The following TRPC6 variants were observed in gnomAD, a reference collection of about 807,000 sequenced individuals.
TRPC6 encodes short transient receptor potential channel 6.
Under a neutral mutation model 90.7 loss-of-function variants are expected in TRPC6, and 55 were observed. The observed-to-expected ratio is 0.61, with a 90% CI of 0.49 to 0.76. The LOEUF (loss-of-function observed/expected upper bound fraction) is 0.76, where lower values mean the gene tolerates loss of function less well. TRPC6 is among the 30% of genes least tolerant of loss of function. The pLI is 0.00. For missense variants in TRPC6, 989 were observed against 1,122.7 expected (o/e 0.88, Z 1.70); for synonymous variants, 393 against 393.0 (o/e 1.00, Z 0.00).
chr11:101,583,362 G>T lies in TRPC6; in HGVS notation c.142C>A (p.Leu48Met). Reference protein sequence around the residue: ...LGEDGCPQAPLPCYGYYPCFR... With the variant: ...LGEDGCPQAPMPCYGYYPCFR... The stretch of plus-strand genomic sequence containing the variant: ...CAGGGGTAGTAGCCGTAGCAAGGCA[G>T]CGGGGCTTGCGGGCAGCCGTCTTCT... The change falls in exon 1 of 13, where the codon CTG (leucine) becomes ATG (methionine). Residue 48 changes from leucine to methionine, a missense_variant. Leu to Met is a conservative substitution (Grantham distance 15). Transcript: ENST00000344327. The T allele has an allele frequency of 6.3e-7, 1 of 1,594,134 alleles. No individual in the cohort carries two copies. The highest frequency in any genetic ancestry group is 8.5e-7 in the Non-Finnish European group (1 of 1,170,664).
chr11:101,483,302 T>C (rs775423847), intron 4 of TRPC6, 137 bp from the exon 5 acceptor site: 2 of 1,092,078 alleles, frequency 1.8e-6, no homozygotes, highest in Non-Finnish European at 2.7e-6. Context: ...ATGTAATTCG[T>C]GATAGAGTAA....
Position 101,540,652 on chromosome 11 carries a change from T to C in TRPC6, c.171-35854A>G. Among the ~76,000 whole-genome samples, 3 of 152,336 alleles carry C rather than the reference T, an allele frequency of 2.0e-5. No homozygotes were observed. The South Asian group carries it at 6.2e-4, about 32-fold the overall frequency. On this transcript the variant is annotated intron_variant, in intron 1 of 12. Coordinates refer to ENST00000344327, the MANE Select transcript of TRPC6 (RefSeq NM_004621.6). ...TTAGAAAAAACATGTACACATAACT[T>C]AATATTAAAAATAATTTTCATGTAA...
intron 2 of TRPC6, among the ~76,000 whole-genome samples, chr11:101,498,604 G>A (rs564399511): frequency 1.3e-5 from 2 of 152,120 alleles, no homozygotes; most frequent in African/African-American, 4.8e-5. Flanking sequence ...ATTGTAGTAG[G>A]GGACAGTTTG....
chr11:101,571,526 C>T (rs7952280), intron 1 of TRPC6, among the ~76,000 whole-genome samples: 57,396 of 151,854 alleles, frequency 0.38, 11,525 homozygotes, highest in Non-Finnish European at 0.46. Flanking sequence ...CTAATTTAAA[C>T]TTCATATGGA....
chr11:101,526,170 C>T (rs934168943), intron 1 of TRPC6, among the ~76,000 whole-genome samples: 12 of 151,952 alleles, frequency 7.9e-5, no homozygotes, highest in African/African-American at 2.9e-4. Flanking sequence ...CTCTCTCTCT[C>T]TCTTTGTCCT....
intron 5 of TRPC6, among the ~76,000 whole-genome samples, chr11:101,478,348 GT>G (rs573698459): frequency 3.9e-5 from 6 of 152,196 alleles, no homozygotes; most frequent in African/African-American, 9.6e-5. Flanking sequence ...AAATACGGCA[GT>G]TTTTTTCCCC....
At chr11:101,511,273 A>G (rs1418950782) in intron 1 of TRPC6, among the ~76,000 whole-genome samples, 2 of 152,126 alleles carry the variant, frequency 1.3e-5, no homozygotes, top group East Asian at 3.9e-4. Flanking sequence ...CACATACCCT[A>G]TGCTCTTCCT....
intron 5 of TRPC6, among the ~76,000 whole-genome samples, chr11:101,480,918 A>C (rs944944163): frequency 6.6e-6 from 1 of 152,236 alleles, no homozygotes; most frequent in African/African-American, 2.4e-5. Context: ...TTAAATTAGA[A>C]AAGAAATAGA....
intron 6 of TRPC6, among the ~76,000 whole-genome samples, chr11:101,475,911 C>T (rs1245363322): frequency 2.0e-5 from 3 of 148,976 alleles, no homozygotes; most frequent in Admixed American, 6.7e-5. Flanking sequence ...TATACACACA[C>T]GTGTATATAT....
intron 1 of TRPC6, among the ~76,000 whole-genome samples, chr11:101,552,278 G>A (rs1861467539): frequency 6.6e-6 from 1 of 152,094 alleles, no homozygotes; most frequent in African/African-American, 2.4e-5. Flanking sequence ...AAACAAGAAA[G>A]ATGACGAAGA....
At chr11:101,472,816 C>G (rs906789968) in intron 7 of TRPC6, among the ~76,000 whole-genome samples, 10 of 152,222 alleles carry the variant, frequency 6.6e-5, no homozygotes, top group Admixed American at 3.3e-4. Flanking sequence ...TTGACCAAAG[C>G]TAAGCCAGTT....
intron 1 of TRPC6, among the ~76,000 whole-genome samples, chr11:101,509,969 G>A (rs77342481): frequency 0.015 from 2,342 of 152,116 alleles, 68 homozygotes; most frequent in African/African-American, 0.052. Context: ...TACAACAGCA[G>A]GCACAATGAA....
At chr11:101,578,328 A>C (rs574090956) in intron 1 of TRPC6, among the ~76,000 whole-genome samples, 4 of 152,316 alleles carry the variant, frequency 2.6e-5, no homozygotes, top group African/African-American at 9.6e-5. Flanking sequence ...TTAAGAGACT[A>C]GTTATCCTAT....
intron 7 of TRPC6, 109 bp downstream of exon 7, chr11:101,473,400 G>A: frequency 7.8e-7 from 1 of 1,288,224 alleles, no homozygotes; most frequent in South Asian, 1.3e-5. Flanking sequence ...ACAGGAACTA[G>A]AGATGAAGTC....
chr11:101,542,306 T>C (rs1861192050), intron 1 of TRPC6, among the ~76,000 whole-genome samples: 1 of 152,220 alleles, frequency 6.6e-6, no homozygotes, highest in Non-Finnish European at 1.5e-5. Context: ...AATTAACTCC[T>C]CATGACTGAA....
At chr11:101,556,826 A>C (rs1293599141) in intron 1 of TRPC6, among the ~76,000 whole-genome samples, 3 of 152,154 alleles carry the variant, frequency 2.0e-5, no homozygotes, top group Non-Finnish European at 4.4e-5. Flanking sequence ...CAAGCAAACA[A>C]AATTCAACAG....
intron 1 of TRPC6, among the ~76,000 whole-genome samples, chr11:101,544,502 T>C (rs1368566595): frequency 6.6e-6 from 1 of 152,176 alleles, no homozygotes; most frequent in Non-Finnish European, 1.5e-5. Flanking sequence ...AATGATATAC[T>C]TGATAAAGAA....
chr11:101,505,250 A>G (rs916870556), intron 1 of TRPC6, among the ~76,000 whole-genome samples: 5 of 152,198 alleles, frequency 3.3e-5, no homozygotes, highest in Admixed American at 2.6e-4. Context: ...CAGGTCTAGG[A>G]ACTATATTCG....
intron 1 of TRPC6, among the ~76,000 whole-genome samples, chr11:101,537,941 A>G (rs1861089926): frequency 6.6e-6 from 1 of 152,176 alleles, no homozygotes; most frequent in Admixed American, 6.5e-5. Context: ...TGTAGTTTTA[A>G]GCGTATACAT....
Sources: gnomAD v4.1 joint callset for allele counts (sites outside exome capture counted in the v4.1 genomes callset) on GRCh38, gnomAD v4.1.1 for gene constraint, MANE v1.5 for transcripts, NCBI Gene and HGNC (gene_info 2026-07-23, HGNC 2026-07-21) for gene names.